Variants in RBM27 observed in about 807,000 individuals in gnomAD.
RBM27 encodes the protein RNA binding motif protein 27.
Under a neutral mutation model 135.3 loss-of-function variants are expected in RBM27, and 22 were observed. That is an observed-to-expected ratio of 0.16 (90% CI 0.12 to 0.23). The LOEUF (loss-of-function observed/expected upper bound fraction) is 0.23. Among genes scored for constraint, RBM27 ranks in the 10% least tolerant of loss-of-function variants. The probability of loss-of-function intolerance (pLI) is 1.00; values close to 1 mark genes in which losing one functional copy is unlikely to be tolerated. For synonymous variants in RBM27, 481 were observed against 442.4 expected (o/e 1.09, Z -1.10); for missense variants, 1,009 against 1,281.0 (o/e 0.79, Z 3.24).
chr5:146,223,488 A>G lies in RBM27; in HGVS notation c.264A>G (p.Pro88=). 2.5e-6 allele frequency: 4 copies of G among 1,609,456 alleles called. No individual in the cohort carries two copies. Among genetic ancestry groups the G allele is most frequent in the Non-Finnish European group, 2.5e-6 (3 of 1,178,126 alleles). Residue 88 remains proline, a synonymous_variant, in exon 3 of 21, where the codon CCA becomes CCG. Coordinates refer to ENST00000265271, the MANE Select transcript of RBM27 (RefSeq NM_018989.2). The part of the protein sequence containing the change: ...LPLLEPVKPE[P]KPLVQEKEEI... ...TTTTGGAACCAGTAAAGCCTGAGCC[A>G]AAACCACTAGTCCAAGAAAAAGAAG...
At chr5:146,235,897 C>T (rs1046584137) in intron 7 of RBM27, among the ~76,000 whole-genome samples, 6 of 152,006 alleles carry the variant, frequency 3.9e-5, no homozygotes, top group Non-Finnish European at 7.4e-5. Context: ...CGCCATGTTG[C>T]CCAGGCTGGT....
intron 1 of RBM27, among the ~76,000 whole-genome samples, chr5:146,212,108 T>C (rs1561522510): frequency 6.6e-6 from 1 of 151,700 alleles, no homozygotes; most frequent in Non-Finnish European, 1.5e-5. Flanking sequence ...CAGGCTGGAG[T>C]GCAGTGGCGC....
intron 8 of RBM27, among the ~76,000 whole-genome samples, chr5:146,241,028 T>G (rs1368387594): frequency 1.3e-5 from 2 of 152,206 alleles, no homozygotes; most frequent in African/African-American, 4.8e-5. Context: ...CCGAATCAGC[T>G]CTTAATATTG....
Position 146,261,857 on chromosome 5 carries a change from C to G in RBM27, c.2190+51C>G, listed in dbSNP as rs1442320428. 3 of 1,579,494 alleles carry G rather than the reference C, an allele frequency of 1.9e-6. No homozygotes were observed. The South Asian group carries it at 3.4e-5, about 18-fold the overall frequency. On this transcript the variant is annotated intron_variant, in intron 13 of 20. Transcript: ENST00000265271. ...GGTCTTTTAGTTACACCCTCTAGAT[C>G]AGTATTTTTCAATTCCTGGTCCTTG...
At chr5:146,273,090 A>G (rs1016311246) in intron 19 of RBM27, among the ~76,000 whole-genome samples, 6 of 152,230 alleles carry the variant, frequency 3.9e-5, no homozygotes, top group African/African-American at 1.4e-4. Context: ...CTCTTTGCCA[A>G]ATAAATTGGT....
chr5:146,217,613 C>T (rs1167176004), intron 1 of RBM27, among the ~76,000 whole-genome samples: 1 of 150,762 alleles, frequency 6.6e-6, no homozygotes, highest in Non-Finnish European at 1.5e-5. Context: ...TGAGCTGAAA[C>T]CTTTTAACTT....
chr5:146,229,807 G>C lies in RBM27; in HGVS notation c.486G>C (p.Trp162Cys), dbSNP rs1756853039. The stretch of plus-strand genomic sequence containing the variant: ...AATTGTACCGTGAGAAGTATGACTG[G>C]AGAAGAGGCAGGAGTAAGAGTCGGA... ...RNELYREKYDWRRGRSKSRSK... is the reference protein window; with the variant it reads ...RNELYREKYDCRRGRSKSRSK... Residue 162 changes from tryptophan to cysteine, a missense_variant, in exon 5 of 21, where the codon TGG (tryptophan) becomes TGC (cysteine). Coordinates refer to ENST00000265271, the MANE Select transcript of RBM27 (RefSeq NM_018989.2). 6.2e-7 allele frequency: 1 copy of C among 1,614,042 alleles called. No individual in the cohort carries two copies. The highest frequency in any genetic ancestry group is 1.3e-5 in the African/African-American group (1 of 75,056).
Position 146,228,878 on chromosome 5 carries a change from G to A in RBM27, c.304-68G>A, listed in dbSNP as rs1756801755. The A allele has an allele frequency of 5.5e-6, 7 of 1,281,242 alleles. No homozygotes were observed. The Admixed American group carries it at 1.3e-4, about 23-fold the overall frequency. 79.4% of individuals were successfully genotyped at this position (1,281,242 alleles called of 1,614,324 possible). On this transcript the variant is annotated intron_variant, in intron 3 of 20. Transcript: ENST00000265271. ...TCTTCCCACCTGGACCTCGTAAAAT[G>A]TTGGGATTACAGGTGTGAGCCACCG...
At chr5:146,257,980 C>A (rs997825289) in intron 10 of RBM27, among the ~76,000 whole-genome samples, 1 of 152,094 alleles carries the variant, frequency 6.6e-6, no homozygotes, top group Admixed American at 6.5e-5. Context: ...CCATGTCTGG[C>A]TAATTTTTTT....
At chr5:146,275,113 T>C (rs891890564) in intron 19 of RBM27, among the ~76,000 whole-genome samples, 4 of 151,692 alleles carry the variant, frequency 2.6e-5, no homozygotes, top group Non-Finnish European at 5.9e-5. Flanking sequence ...ACATTTATCC[T>C]GAGGGCTGTA....
At chr5:146,212,351 G>A (rs1378721916) in intron 1 of RBM27, among the ~76,000 whole-genome samples, 1 of 146,478 alleles carries the variant, frequency 6.8e-6, no homozygotes, top group Admixed American at 6.9e-5. Flanking sequence ...ACCCCGCCCG[G>A]CCCTTGTTTT....
chr5:146,230,028 G>A (rs891898823), intron 5 of RBM27, 118 bp downstream of exon 5: 1 of 1,208,602 alleles, frequency 8.3e-7, no homozygotes, highest in African/African-American at 1.5e-5. Context: ...GTAAAAACTG[G>A]AATTGTCTCA....
chr5:146,210,871 T>C (rs1213327809), intron 1 of RBM27, among the ~76,000 whole-genome samples: 2 of 150,610 alleles, frequency 1.3e-5, no homozygotes, highest in East Asian at 3.9e-4. Context: ...GACGTGAACC[T>C]GGGAGGCGGA....
intron 20 of RBM27, among the ~76,000 whole-genome samples, chr5:146,285,289 A>G (rs1759535889): frequency 6.6e-6 from 1 of 152,114 alleles, no homozygotes; most frequent in Non-Finnish European, 1.5e-5. Context: ...CACTTAGGCT[A>G]TATTGCGAGG....
At chr5:146,207,890 G>A (rs967001494) in intron 1 of RBM27, among the ~76,000 whole-genome samples, 3 of 147,184 alleles carry the variant, frequency 2.0e-5, no homozygotes, top group African/African-American at 7.5e-5. Flanking sequence ...CCTGACCTCA[G>A]GTGATCCGCC....
chr5:146,252,008 T>C, intron 9 of RBM27, 133 bp downstream of exon 9: 1 of 1,006,686 alleles, frequency 9.9e-7, no homozygotes, highest in Non-Finnish European at 1.5e-6. Flanking sequence ...TTTTATTTTC[T>C]GCTCCTTTGC....
intron 8 of RBM27, among the ~76,000 whole-genome samples, chr5:146,247,038 A>G (rs1436334317): frequency 6.6e-6 from 1 of 151,618 alleles, no homozygotes; most frequent in African/African-American, 2.4e-5. Context: ...TGATTTTTAA[A>G]TTTTTTGTAG....
intron 1 of RBM27, among the ~76,000 whole-genome samples, chr5:146,213,751 G>A (rs1350583378): frequency 2.0e-5 from 3 of 152,096 alleles, no homozygotes; most frequent in South Asian, 2.1e-4. Context: ...TGTAATATAC[G>A]TGCAATAGAG....
chr5:146,242,507 T>TTTA (rs1158383367), intron 8 of RBM27, among the ~76,000 whole-genome samples: 1 of 152,228 alleles, frequency 6.6e-6, no homozygotes, highest in African/African-American at 2.4e-5. Flanking sequence ...GATTCTAAAA[T>TTTA]TTATAGAGAA....
Sources: allele counts gnomAD v4.1 joint callset (sites outside exome capture counted in the v4.1 genomes callset), GRCh38; gene constraint gnomAD v4.1.1; transcripts MANE v1.5; gene names NCBI Gene and HGNC (gene_info 2026-07-23, HGNC 2026-07-21).